COL18A1: variants seen among roughly 807,000 people sequenced by gnomAD.
COL18A1 encodes collagen alpha-1(XVIII) chain.
In COL18A1, 133 loss-of-function variants were observed where a neutral mutation model predicts 168.0. The ratio of observed to expected loss-of-function variants is 0.79; its 90% CI spans 0.69 to 0.91. The LOEUF (loss-of-function observed/expected upper bound fraction) is 0.91, where lower values mean the gene tolerates loss of function less well. Among genes scored for constraint, COL18A1 ranks in the 40% least tolerant of loss-of-function variants. The pLI is 0.00. For missense variants in COL18A1, 2,126 were observed against 1,925.4 expected (o/e 1.10, Z -1.95); for synonymous variants, 949 against 809.0 (o/e 1.17, Z -2.94).
chr21:45,511,080 C>CAA (rs758712533), intron 40 of COL18A1, 31 bp from the exon 41 acceptor site: 1 of 1,063,048 alleles, frequency 9.4e-7, no homozygotes, highest in Non-Finnish European at 1.3e-6. Flanking sequence ...CCCCACACAC[C>CAA]ACACACACAT....
intron 29 of COL18A1, 101 bp from the exon 30 acceptor site, chr21:45,496,399 G>A (rs2036545144): frequency 3.8e-6 from 3 of 781,156 alleles, no homozygotes; most frequent in Non-Finnish European, 4.8e-6. Flanking sequence ...GGTCTGCCTG[G>A]TCAGGTTTCT....
chr21:45,495,185 G>A (rs1343429985), intron 28 of COL18A1, 173 bp from the exon 29 acceptor site: 1 of 676,584 alleles, frequency 1.5e-6, no homozygotes, highest in East Asian at 2.7e-5. Context: ...TCCCAAAAGG[G>A]TCCTTGTGCA....
In COL18A1 at chr21:45,505,230, C is replaced by T; in HGVS notation, c.2965C>T (p.Pro989Ser). The stretch of plus-strand genomic sequence containing the variant: ...CGAGGGGCGCCAGGGCCCTCCCGGC[C>T]CCCCAGGCCCCCCAGGGCCCCCTTC... Reference protein sequence around the residue: ...GYEGRQGPPGPPGPPGPPSFP... With the variant: ...GYEGRQGPPGSPGPPGPPSFP... Residue 989 changes from proline (P) to serine (S), a missense_variant, in exon 35 of 42, where the codon CCC (proline) becomes TCC (serine). Pro to Ser is a moderately conservative substitution (Grantham distance 74). Transcript: ENST00000651438. 3 of 1,594,414 alleles carry T rather than the reference C, an allele frequency of 1.9e-6. No homozygotes were observed. The highest frequency in any genetic ancestry group is 1.1e-5 in the South Asian group (1 of 89,792).
chr21:45,489,604 G>C, intron 19 of COL18A1, 83 bp downstream of exon 19: 1 of 902,400 alleles, frequency 1.1e-6, no homozygotes, highest in Non-Finnish European at 1.7e-6. Context: ...ATCAGCTCGG[G>C]GCGGCCTTCC....
At position 45,482,943 on chromosome 21, in the gene COL18A1, C is replaced by G. The variant is rs902472725; in HGVS notation, c.1701+122C>G. 2.1e-6 allele frequency: 3 copies of G among 1,401,920 alleles called. No homozygotes were observed. The Admixed American group carries it at 5.4e-5, about 25-fold the overall frequency. 86.8% of individuals were successfully genotyped at this position (1,401,920 alleles called of 1,614,324 possible). ...TGAGCTCTCTTGGGGCTGGCCTTGA[C>G]CCCCACTCCTGCCATCTGTCCATCC... On this transcript the variant is annotated intron_variant, in intron 15 of 41. Transcript: ENST00000651438.
intron 29 of COL18A1, chr21:45,496,045 TCAG>T (rs566238640): frequency 2.5e-5 from 9 of 357,036 alleles, no homozygotes; most frequent in Non-Finnish European, 4.4e-5. Flanking sequence ...CTGTGGATTC[TCAG>T]CAGGGCATCC....
intron 2 of COL18A1, among the ~76,000 whole-genome samples, chr21:45,406,585 G>A (rs1204221842): frequency 6.6e-6 from 1 of 152,154 alleles, no homozygotes; most frequent in African/African-American, 2.4e-5. Context: ...AGCTCACGCG[G>A]CTCCATCCCC....
intron 20 of COL18A1, 44 bp downstream of exon 20, chr21:45,490,390 C>A (rs1260476507): frequency 6.8e-7 from 1 of 1,460,112 alleles, no homozygotes; most frequent in South Asian, 1.2e-5. Flanking sequence ...GGGCGTGGAG[C>A]CCTGAAGGGA....
At chr21:45,410,981 G>A (rs550341752) in intron 2 of COL18A1, among the ~76,000 whole-genome samples, 8 of 152,366 alleles carry the variant, frequency 5.3e-5, no homozygotes, top group East Asian at 1.9e-4. Context: ...CTCAGGAACC[G>A]AGAGAGACCT....
chr21:45,506,091 A>G (rs2037188513), intron 37 of COL18A1, 125 bp downstream of exon 37: 3 of 1,429,010 alleles, frequency 2.1e-6, no homozygotes, highest in Non-Finnish European at 2.9e-6. Flanking sequence ...AGCGCTTCTT[A>G]AACTTTCAAA....
rs556909771 is a variant in COL18A1, at chr21:45,452,974, A to ATG, written c.107-15267_107-15266dup. On this transcript the variant is annotated intron_variant, in intron 2 of 41. Transcript: ENST00000651438. ...TGTACATGTGTGACCTTGTGTATGC[A>ATG]TGAGTATTCACATGTGACATGTGAG... 1.6e-3 allele frequency among the ~76,000 whole-genome samples: 244 copies of ATG among 151,796 alleles called. 1 individual carries two copies. The highest frequency in any genetic ancestry group is 5.7e-3 in the African/African-American group (236 of 41,358).
chr21:45,453,494 C>T (rs776622490), intron 2 of COL18A1, among the ~76,000 whole-genome samples: 22 of 152,352 alleles, frequency 1.4e-4, no homozygotes, highest in Admixed American at 7.8e-4. Context: ...CAGGTGCTTC[C>T]TGGTGGGAAC....
At chr21:45,476,716 AGT>A (rs1180517910) in intron 6 of COL18A1, among the ~76,000 whole-genome samples, 1 of 147,944 alleles carries the variant, frequency 6.8e-6, no homozygotes, top group Non-Finnish European at 1.5e-5. Context: ...ATGTGTATGT[AGT>A]GTGTATGGTG....
At chr21:45,417,329 G>A (rs964986923) in intron 2 of COL18A1, among the ~76,000 whole-genome samples, 2 of 152,164 alleles carry the variant, frequency 1.3e-5, no homozygotes, top group Non-Finnish European at 2.9e-5. Flanking sequence ...TCCTTCTGGC[G>A]CTTGCTTCTC....
At chr21:45,414,712 T>A (rs1355137962) in intron 2 of COL18A1, among the ~76,000 whole-genome samples, 1 of 152,216 alleles carries the variant, frequency 6.6e-6, no homozygotes, top group East Asian at 1.9e-4. Flanking sequence ...TGGACACTAA[T>A]GTCCCCGAAC....
chr21:45,459,542 C>T (rs80278255), intron 2 of COL18A1, among the ~76,000 whole-genome samples: 4,291 of 152,332 alleles, frequency 0.028, 213 homozygotes, highest in African/African-American at 0.097. Flanking sequence ...GTGTCCACCC[C>T]GCCGGCCCAC....
chr21:45,435,753 G>A (rs1303046490), intron 2 of COL18A1, among the ~76,000 whole-genome samples: 1 of 152,130 alleles, frequency 6.6e-6, no homozygotes, highest in Non-Finnish European at 1.5e-5. Context: ...GGGGCATCCC[G>A]AGTACCTATG....
At chr21:45,484,224 G>C (rs1568913781) in intron 15 of COL18A1, among the ~76,000 whole-genome samples, 1 of 125,510 alleles carries the variant, frequency 8.0e-6, no homozygotes, top group Non-Finnish European at 1.6e-5. Context: ...CACATCTCCA[G>C]CATATGTGCA....
In COL18A1 at chr21:45,509,494, G is replaced by A. The variant is rs751583897; in HGVS notation, c.3388G>A (p.Glu1130Lys). The A allele has an allele frequency of 1.6e-5, 24 of 1,526,750 alleles. No homozygotes were observed. The highest frequency in any genetic ancestry group is 1.1e-4 in the African/African-American group (8 of 73,192). 94.6% of individuals were successfully genotyped at this position (1,526,750 alleles called of 1,614,324 possible). The change falls in exon 39 of 42, where the codon GAG becomes AAG. Residue 1130 changes from glutamate (E) to lysine (K), a missense_variant. By Grantham distance (56) the Glu-to-Lys change is moderately conservative. Transcript: ENST00000651438. ...DILASPPRLP[E>K]PQPYPGAPHH... is the part of the protein sequence containing the mutation. ...CCTGGCCAGCCCCCCTCGCCTGCCC[G>A]AGCCCCAGCCCTACCCCGGAGCCCC...
Sources: allele counts gnomAD v4.1 joint callset (sites outside exome capture counted in the v4.1 genomes callset), GRCh38; gene constraint gnomAD v4.1.1; transcripts MANE v1.5; gene names NCBI Gene and HGNC (gene_info 2026-07-23, HGNC 2026-07-21).